The following NTM variants were observed in gnomAD, a reference collection of about 807,000 sequenced individuals.
The protein encoded by NTM is IgLON family member 2.
A neutral mutation model predicts 42.1 loss-of-function variants in NTM; 13 were observed. The ratio of observed to expected loss-of-function variants is 0.31; its 90% CI spans 0.20 to 0.49. The LOEUF is 0.49. NTM is among the 20% of genes least tolerant of loss of function. NTM has a pLI of 0.99. For synonymous variants in NTM, 187 were observed against 179.2 expected, an observed-to-expected ratio of 1.04 and a Z score of -0.35; for missense variants, 373 against 452.8, an observed-to-expected ratio of 0.82 and a Z score of 1.60.
intron 1 of NTM, among the ~76,000 whole-genome samples, chr11:131,424,652 C>T (rs1947915974): frequency 8.3e-6 from 1 of 121,070 alleles, no homozygotes; most frequent in Non-Finnish European, 1.6e-5. Context: ...GTTCCGCCTC[C>T]TGGGTTCATG....
At position 131,984,086 on chromosome 11, in the gene NTM, A is replaced by G. The variant is rs114434445; in HGVS notation, c.167+72438A>G. 3.0e-3 allele frequency among the ~76,000 whole-genome samples: 462 copies of G among 152,358 alleles called. 4 individuals carry two copies. Among genetic ancestry groups the G allele is most frequent in the African/African-American group, 0.011 (440 of 41,590 alleles). ...AGATTTTGGTGTACAGGTAGCAATC[A>G]TAGCTACAGTAGGCATTTAAGTAAA... On this transcript the variant is annotated intron_variant, in intron 2 of 8. Coordinates refer to ENST00000683400, the MANE Select transcript of NTM (RefSeq NM_001352005.2).
At chr11:131,716,370 C>T (rs2077689187) in intron 1 of NTM, among the ~76,000 whole-genome samples, 1 of 152,072 alleles carries the variant, frequency 6.6e-6, no homozygotes, top group Non-Finnish European at 1.5e-5. Context: ...TATGGTTTTA[C>T]TTCTTTTGAG....
chr11:132,264,966 A>G (rs999333142), intron 4 of NTM, among the ~76,000 whole-genome samples: 6 of 152,054 alleles, frequency 3.9e-5, no homozygotes, highest in Non-Finnish European at 7.4e-5. Context: ...TCTAATCCTA[A>G]TTGCTTCCCA....
intron 2 of NTM, among the ~76,000 whole-genome samples, chr11:132,126,936 G>A (rs895979333): frequency 6.6e-6 from 1 of 152,220 alleles, no homozygotes; most frequent in African/African-American, 2.4e-5. Context: ...GGGAAACTGA[G>A]GCACAGCACA....
At chr11:132,242,573 G>T (rs1566560266) in intron 4 of NTM, among the ~76,000 whole-genome samples, 2 of 152,220 alleles carry the variant, frequency 1.3e-5, no homozygotes, top group East Asian at 3.9e-4. Context: ...TCCCTCAGGT[G>T]CCCTTAGGCC....
chr11:131,719,110 A>G (rs1172746526), intron 1 of NTM, among the ~76,000 whole-genome samples: 1 of 152,032 alleles, frequency 6.6e-6, no homozygotes, highest in African/African-American at 2.4e-5. Flanking sequence ...AGGTTTTGCC[A>G]TGTCACTCAG....
chr11:131,754,310 G>T (rs1486995508), intron 1 of NTM, among the ~76,000 whole-genome samples: 1 of 152,018 alleles, frequency 6.6e-6, no homozygotes. Context: ...AAGAAAAGTT[G>T]TATGTTTTTT....
chr11:132,327,240 C>T (rs971841221), intron 7 of NTM, among the ~76,000 whole-genome samples: 4 of 152,228 alleles, frequency 2.6e-5, no homozygotes, highest in African/African-American at 9.6e-5. Context: ...GTTCATTTTC[C>T]ACCCACTGGT....
At chr11:132,022,174 TCAGAATAC>T (rs2074444398) in intron 2 of NTM, among the ~76,000 whole-genome samples, 1 of 152,050 alleles carries the variant, frequency 6.6e-6, no homozygotes, top group Non-Finnish European at 1.5e-5. Context: ...GGGGCTGGAG[TCAGAATAC>T]CACAGAGCCC....
At chr11:131,901,914 G>C (rs1338193860) in intron 1 of NTM, among the ~76,000 whole-genome samples, 4 of 152,186 alleles carry the variant, frequency 2.6e-5, no homozygotes, top group East Asian at 3.9e-4. Flanking sequence ...GTAGTTTTGT[G>C]CTAAGCTAGT....
intron 1 of NTM, among the ~76,000 whole-genome samples, chr11:131,598,826 CTTCTTTCTTTCT>C (rs1174503279): frequency 5.0e-5 from 2 of 40,380 alleles, no homozygotes; most frequent in African/African-American, 1.4e-4. Flanking sequence ...TTCTTTCTTT[CTTCTTTCTTTCT>C]TTCTTTCTTT....
intron 2 of NTM, among the ~76,000 whole-genome samples, chr11:132,095,642 A>G (rs1591481396): frequency 6.6e-6 from 1 of 152,208 alleles, no homozygotes; most frequent in Non-Finnish European, 1.5e-5. Flanking sequence ...ATGCATGTCC[A>G]AAAAGCTCAG....
At chr11:132,170,057 G>A (rs1206242236) in intron 3 of NTM, among the ~76,000 whole-genome samples, 4 of 152,180 alleles carry the variant, frequency 2.6e-5, no homozygotes, top group African/African-American at 9.7e-5. Context: ...ACAGAAACCA[G>A]CAACTACAAA....
chr11:131,986,425 GT>G (rs1410398777), intron 2 of NTM, among the ~76,000 whole-genome samples: 14 of 152,196 alleles, frequency 9.2e-5, no homozygotes, highest in South Asian at 2.1e-4. Flanking sequence ...CAGAAGGCCT[GT>G]TTTTGTTCCA....
chr11:131,561,234 A>T (rs1398374443), intron 1 of NTM, among the ~76,000 whole-genome samples: 1 of 152,236 alleles, frequency 6.6e-6, no homozygotes, highest in African/African-American at 2.4e-5. Context: ...CATCTGTTCC[A>T]GCAGGCTTTC....
chr11:131,676,275 A>G (rs1468584845), intron 1 of NTM, among the ~76,000 whole-genome samples: 3 of 152,356 alleles, frequency 2.0e-5, no homozygotes, highest in Non-Finnish European at 4.4e-5. Flanking sequence ...TAGAAAAGGA[A>G]TGAGATGTTT....
chr11:131,831,499 T>C (rs2042814339), intron 1 of NTM, among the ~76,000 whole-genome samples: 1 of 152,156 alleles, frequency 6.6e-6, no homozygotes, highest in African/African-American at 2.4e-5. Flanking sequence ...GGGTCACATG[T>C]GCATTCTAGT....
At chr11:131,946,653 G>A (rs2060377381) in intron 2 of NTM, among the ~76,000 whole-genome samples, 4 of 152,134 alleles carry the variant, frequency 2.6e-5, no homozygotes, top group African/African-American at 7.2e-5. Flanking sequence ...CCTACACAAT[G>A]CACACAATAT....
chr11:132,211,761 G>C (rs1208609166), intron 3 of NTM: 3 of 313,846 alleles, frequency 9.6e-6, no homozygotes, highest in Non-Finnish European at 1.8e-5. Context: ...GAGGGTGGAG[G>C]CTAGGAGAAC....
Sources: gnomAD v4.1 joint callset for allele counts (sites outside exome capture counted in the v4.1 genomes callset) on GRCh38, gnomAD v4.1.1 for gene constraint, MANE v1.5 for transcripts, NCBI Gene and HGNC (gene_info 2026-07-23, HGNC 2026-07-21) for gene names.